KCTD16: variants seen among roughly 807,000 people sequenced by gnomAD.
KCTD16 encodes the protein BTB/POZ domain-containing protein KCTD16.
A neutral mutation model predicts 33.2 loss-of-function variants in KCTD16; 13 were observed. The observed-to-expected ratio is 0.39, with a 90% CI of 0.25 to 0.62. The LOEUF (loss-of-function observed/expected upper bound fraction) is 0.62, where lower values mean the gene tolerates loss of function less well. Among genes scored for constraint, KCTD16 ranks in the 20% least tolerant of loss-of-function variants. The pLI, the probability that KCTD16 is intolerant of heterozygous loss-of-function variation, is 0.50. For synonymous variants in KCTD16, 197 were observed against 195.3 expected (o/e 1.01, Z -0.07); for missense variants, 441 against 525.1 (o/e 0.84, Z 1.57).
intron 3 of KCTD16, among the ~76,000 whole-genome samples, chr5:144,290,752 GT>G (rs2126861926): frequency 6.6e-6 from 1 of 152,250 alleles, no homozygotes; most frequent in African/African-American, 2.4e-5. Flanking sequence ...AAGAAGGGTA[GT>G]TTTTACCTTT....
At chr5:144,417,747 T>C (rs969290671) in intron 3 of KCTD16, among the ~76,000 whole-genome samples, 3 of 152,180 alleles carry the variant, frequency 2.0e-5, no homozygotes, top group African/African-American at 4.8e-5. Flanking sequence ...CTATGTTCAT[T>C]GATCCTTTTG....
At chr5:144,342,907 C>G (rs909172914) in intron 3 of KCTD16, among the ~76,000 whole-genome samples, 10 of 152,142 alleles carry the variant, frequency 6.6e-5, no homozygotes, top group African/African-American at 2.4e-4. Flanking sequence ...ATTGAACCAG[C>G]CTTGCATCCC....
At chr5:144,442,525 C>T (rs1415459237) in intron 3 of KCTD16, among the ~76,000 whole-genome samples, 2 of 144,662 alleles carry the variant, frequency 1.4e-5, no homozygotes, top group African/African-American at 5.1e-5. Flanking sequence ...CCCTCCTTCC[C>T]TCCCTCCTTC....
intron 2 of KCTD16, among the ~76,000 whole-genome samples, chr5:144,176,835 T>C (rs1752521731): frequency 6.6e-6 from 1 of 152,254 alleles, no homozygotes; most frequent in African/African-American, 2.4e-5. Flanking sequence ...TCTATTTTTC[T>C]GTTAGAATTC....
intron 3 of KCTD16, among the ~76,000 whole-genome samples, chr5:144,265,953 A>T (rs971676025): frequency 2.6e-5 from 4 of 152,166 alleles, no homozygotes; most frequent in Non-Finnish European, 4.4e-5. Flanking sequence ...AAAGGGTATT[A>T]TGTATGAAAA....
intron 3 of KCTD16, among the ~76,000 whole-genome samples, chr5:144,343,294 G>T (rs1359027036): frequency 6.6e-6 from 1 of 151,726 alleles, no homozygotes; most frequent in African/African-American, 2.4e-5. Context: ...ACTTCTTCCT[G>T]GTTTAGTCTT....
chr5:144,324,241 A>G (rs1457477635), intron 3 of KCTD16, among the ~76,000 whole-genome samples: 2 of 152,264 alleles, frequency 1.3e-5, no homozygotes, highest in East Asian at 1.9e-4. Context: ...GCAGCCTGAG[A>G]GTCAATGTGC....
At chr5:144,209,787 A>AATATATATAT (rs10628313) in intron 3 of KCTD16, among the ~76,000 whole-genome samples, 4 of 141,072 alleles carry the variant, frequency 2.8e-5, no homozygotes, top group African/African-American at 1.1e-4. Flanking sequence ...CTTAGGGGGA[A>AATATATATAT]ATATATATAT....
At chr5:144,423,955 C>T (rs1430153933) in intron 3 of KCTD16, among the ~76,000 whole-genome samples, 1 of 152,200 alleles carries the variant, frequency 6.6e-6, no homozygotes, top group South Asian at 2.1e-4. Context: ...AAGATCCGTG[C>T]ATAATTTTCA....
chr5:144,415,769 G>A (rs1753034867), intron 3 of KCTD16, among the ~76,000 whole-genome samples: 5 of 152,122 alleles, frequency 3.3e-5, no homozygotes, highest in Admixed American at 3.3e-4. Context: ...TAAAACTCTT[G>A]TACTACTGCT....
intron 3 of KCTD16, among the ~76,000 whole-genome samples, chr5:144,276,036 T>A (rs1272239055): frequency 6.6e-6 from 1 of 152,224 alleles, no homozygotes; most frequent in Non-Finnish European, 1.5e-5. Flanking sequence ...TTTGGTGCTC[T>A]TCATTGGAAC....
At chr5:144,339,721 T>G (rs1373855469) in intron 3 of KCTD16, among the ~76,000 whole-genome samples, 3 of 152,216 alleles carry the variant, frequency 2.0e-5, no homozygotes, top group Non-Finnish European at 2.9e-5. Flanking sequence ...TTCCTCTCCT[T>G]CTTTCCCTCC....
intron 3 of KCTD16, among the ~76,000 whole-genome samples, chr5:144,431,866 A>G (rs1753471783): frequency 6.6e-6 from 1 of 152,210 alleles, no homozygotes; most frequent in Non-Finnish European, 1.5e-5. Flanking sequence ...AACATTTTGA[A>G]GAGTATTGCA....
rs376715827 is a variant in KCTD16, at chr5:144,407,966, C to A, written c.833-65694C>A. Among the ~76,000 whole-genome samples the A allele has an allele frequency of 3.3e-5, 5 of 152,046 alleles. No individual in the cohort carries two copies. The East Asian group carries it at 7.7e-4, about 23-fold the overall frequency. The stretch of plus-strand genomic sequence containing the variant: ...TCATTGATAGGCATTTGGATTGTTC[C>A]AAGTATTTGCTATTGTAAATAGTGC... On this transcript the variant is annotated intron_variant, in intron 3 of 3. Transcript: ENST00000512467.
At chr5:144,385,558 C>T (rs748525631) in intron 3 of KCTD16, among the ~76,000 whole-genome samples, 14 of 152,086 alleles carry the variant, frequency 9.2e-5, no homozygotes, top group Non-Finnish European at 1.6e-4. Context: ...CATTGTCACT[C>T]CATTACTATA....
In KCTD16 at chr5:144,299,124, ATATATATATATATATATATATATATT is replaced by A. The variant is rs1302827320; in HGVS notation, c.832+91580_832+91605del. On this transcript the variant is annotated intron_variant, in intron 3 of 3. Coordinates refer to ENST00000512467, the MANE Select transcript of KCTD16 (RefSeq NM_020768.4). ...TATATATATATATATATATATATATATATATATATATATATATATATATATTTTTTTTTTTTTTTTTAACCTGTCAC... is the reference window on the plus strand; with the variant it reads ...TATATATATATATATATATATATATATTTTTTTTTTTTTTTAACCTGTCAC... 1.3e-3 allele frequency among the ~76,000 whole-genome samples: 31 copies of A among 23,004 alleles called. 2 individuals are homozygous for A. The highest frequency in any genetic ancestry group is 4.1e-3 in the Admixed American group (9 of 2,196). The allele number at this position is 23,004 out of a possible 152,430, so 15.1% of individuals were successfully genotyped here.
chr5:144,400,909 G>A (rs967595469), intron 3 of KCTD16, among the ~76,000 whole-genome samples: 3 of 152,092 alleles, frequency 2.0e-5, no homozygotes, highest in African/African-American at 7.2e-5. Context: ...TCCAGGCAGA[G>A]GGAACAATAA....
chr5:144,424,484 A>T (rs1251858340), intron 3 of KCTD16, among the ~76,000 whole-genome samples: 1 of 152,128 alleles, frequency 6.6e-6, no homozygotes, highest in Admixed American at 6.6e-5. Context: ...AAAGGCCTTG[A>T]TCCTTAAGCA....
chr5:144,281,108 G>T (rs768246740), intron 3 of KCTD16, among the ~76,000 whole-genome samples: 1 of 151,914 alleles, frequency 6.6e-6, no homozygotes, highest in African/African-American at 2.4e-5. Flanking sequence ...CGTGAACCTG[G>T]CAGGCGGAGG....
Sources: gnomAD v4.1 joint callset for allele counts (sites outside exome capture counted in the v4.1 genomes callset) on GRCh38, gnomAD v4.1.1 for gene constraint, MANE v1.5 for transcripts, NCBI Gene and HGNC (gene_info 2026-07-23, HGNC 2026-07-21) for gene names.